WWP2: variants seen among roughly 807,000 people sequenced by gnomAD.
WWP2 encodes WW domain containing E3 ubiquitin protein ligase 2.
In WWP2, 57 loss-of-function variants were observed where a neutral mutation model predicts 121.0. The observed-to-expected ratio is 0.47, with a 90% confidence interval of 0.38 to 0.59. The LOEUF (loss-of-function observed/expected upper bound fraction) is 0.59. WWP2 is among the 20% of genes least tolerant of loss of function. WWP2 has a pLI of 0.00. For missense variants in WWP2, 962 were observed against 1,158.9 expected (o/e 0.83, Z 2.47); for synonymous variants, 449 against 441.3 (o/e 1.02, Z -0.22).
At chr16:69,829,235 C>G (rs1487111411) in intron 4 of WWP2, among the ~76,000 whole-genome samples, 1 of 152,202 alleles carries the variant, frequency 6.6e-6, no homozygotes, top group Non-Finnish European at 1.5e-5. Flanking sequence ...CTGCAGCCTC[C>G]TGTCTGCTCT....
chr16:69,909,817 A>G (rs2058353651), intron 9 of WWP2: 4 of 589,448 alleles, frequency 6.8e-6, no homozygotes, highest in Admixed American at 6.3e-5. Flanking sequence ...TAATGTTACA[A>G]ACCCCCACAT....
intron 16 of WWP2, 32 bp downstream of exon 16, chr16:69,931,922 T>C (rs1374324920): frequency 1.3e-6 from 2 of 1,589,968 alleles, no homozygotes; most frequent in Non-Finnish European, 1.7e-6. Flanking sequence ...GGCTGCCCTG[T>C]ACCCCGCTTC....
At chr16:69,875,911 T>C (rs2057726891) in intron 7 of WWP2, among the ~76,000 whole-genome samples, 1 of 152,216 alleles carries the variant, frequency 6.6e-6, no homozygotes, top group Admixed American at 6.6e-5. Flanking sequence ...ATGTTCTTAA[T>C]GGCATCTAGA....
chr16:69,886,261 T>C (rs1294691908), intron 7 of WWP2, among the ~76,000 whole-genome samples: 2 of 152,144 alleles, frequency 1.3e-5, no homozygotes, highest in African/African-American at 4.8e-5. Flanking sequence ...TTAAATTATT[T>C]GTAGAGATGA....
chr16:69,880,887 G>A (rs1346738382), intron 7 of WWP2, among the ~76,000 whole-genome samples: 3 of 152,188 alleles, frequency 2.0e-5, no homozygotes, highest in East Asian at 1.9e-4. Flanking sequence ...TGTCCACCAC[G>A]AGTCTGTGAT....
At chr16:69,792,735 A>G (rs1191810455) in intron 2 of WWP2, among the ~76,000 whole-genome samples, 1 of 152,184 alleles carries the variant, frequency 6.6e-6, no homozygotes. Flanking sequence ...TCTGTCACCT[A>G]GGCTAGAGTG....
At chr16:69,767,550 G>A (rs2038758557) in intron 1 of WWP2, among the ~76,000 whole-genome samples, 1 of 152,146 alleles carries the variant, frequency 6.6e-6, no homozygotes, top group African/African-American at 2.4e-5. Context: ...GAATTTACCA[G>A]GTAAAGAAAG....
At chr16:69,821,695 A>AT (rs1425070129) in intron 4 of WWP2, among the ~76,000 whole-genome samples, 4 of 144,156 alleles carry the variant, frequency 2.8e-5, no homozygotes, top group African/African-American at 1.0e-4. Context: ...TGGCCAAGAC[A>AT]TTTTTTCTCC....
At chr16:69,818,741 T>C (rs2056541323) in intron 4 of WWP2, among the ~76,000 whole-genome samples, 1 of 152,158 alleles carries the variant, frequency 6.6e-6, no homozygotes, top group Non-Finnish European at 1.5e-5. Context: ...CTGGTCACTC[T>C]CATTCAGTCT....
intron 8 of WWP2, chr16:69,890,738 G>A (rs978573878): frequency 6.6e-6 from 1 of 152,184 alleles, no homozygotes; most frequent in African/African-American, 2.4e-5. Flanking sequence ...CTGTTCTCGG[G>A]GATTGGGCAC....
intron 8 of WWP2, among the ~76,000 whole-genome samples, chr16:69,893,480 A>G (rs749426724): frequency 2.0e-4 from 30 of 152,330 alleles, no homozygotes; most frequent in Admixed American, 3.3e-4. Flanking sequence ...AAGAAAGTTG[A>G]GCCTAATGCT....
rs1031945177 is a variant in WWP2 at position 69,798,761 on chromosome 16, C to T, written c.150C>T (p.Pro50=). 4 of 1,613,974 alleles carry T rather than the reference C, an allele frequency of 2.5e-6. No homozygotes were observed. The highest frequency in any genetic ancestry group is 3.4e-6 in the Non-Finnish European group (4 of 1,179,984). ...SYVEVAVDGL[P]SETKKTGKRI... ...TGGAGGTGGCGGTGGATGGACTCCCCAGTGAGACCAAGAAGACTGGGAAGC... is the reference window on the plus strand; with the variant it reads ...TGGAGGTGGCGGTGGATGGACTCCCTAGTGAGACCAAGAAGACTGGGAAGC... The change falls in exon 3 of 24, where the codon CCC becomes CCT. Residue 50 remains proline (P), a synonymous_variant. Transcript: ENST00000359154.
At chr16:69,907,413 G>A (rs1195587734) in intron 8 of WWP2, among the ~76,000 whole-genome samples, 1 of 152,198 alleles carries the variant, frequency 6.6e-6, no homozygotes, top group Non-Finnish European at 1.5e-5. Flanking sequence ...TTCAAAGCAA[G>A]CATTACCGCA....
intron 8 of WWP2, among the ~76,000 whole-genome samples, chr16:69,897,793 A>G (rs980147826): frequency 6.6e-6 from 1 of 151,938 alleles, no homozygotes; most frequent in Admixed American, 6.6e-5. Context: ...CTGTAGTCCC[A>G]GCTACTCAGG....
chr16:69,823,811 T>C (rs2056635232), intron 4 of WWP2, among the ~76,000 whole-genome samples: 1 of 152,228 alleles, frequency 6.6e-6, no homozygotes, highest in South Asian at 2.1e-4. Context: ...GAAGAAACTT[T>C]TCTGCGAAAT....
At chr16:69,933,902 C>CA in intron 16 of WWP2, 68 bp from the exon 17 acceptor site, 1 of 1,548,674 alleles carries the variant, frequency 6.5e-7, no homozygotes, top group Non-Finnish European at 8.8e-7. Context: ...GGTGAAGAGA[C>CA]ACAGCTCCTG....
intron 4 of WWP2, among the ~76,000 whole-genome samples, chr16:69,807,648 A>G (rs1319204753): frequency 6.9e-6 from 1 of 145,638 alleles, no homozygotes; most frequent in African/African-American, 2.5e-5. Context: ...AAAAAAAGAA[A>G]AGAAAAAGGA....
intron 10 of WWP2, among the ~76,000 whole-genome samples, chr16:69,922,036 C>T (rs1231566832): frequency 1.3e-5 from 2 of 150,648 alleles, no homozygotes; most frequent in Non-Finnish European, 2.9e-5. Context: ...TGAGATCATG[C>T]CACTGCACTC....
intron 14 of WWP2, 37 bp downstream of exon 14, chr16:69,931,264 G>C: frequency 6.2e-7 from 1 of 1,610,736 alleles, no homozygotes; most frequent in Non-Finnish European, 8.5e-7. Context: ...GGCAGTTGGG[G>C]TTATTGAGTT....
Sources: gnomAD v4.1 joint callset for allele counts (sites outside exome capture counted in the v4.1 genomes callset) on GRCh38, gnomAD v4.1.1 for gene constraint, MANE v1.5 for transcripts, NCBI Gene and HGNC (gene_info 2026-07-23, HGNC 2026-07-21) for gene names.